The following THSD7B variants were observed in gnomAD, a reference collection of about 807,000 sequenced individuals.
The protein encoded by THSD7B is thrombospondin type 1 domain containing 7B.
A neutral mutation model predicts 213.6 loss-of-function variants in THSD7B; 138 were observed. The ratio of observed to expected loss-of-function variants is 0.65; its 90% CI spans 0.56 to 0.74. The LOEUF is 0.74. THSD7B is among the 30% of genes least tolerant of loss of function. The probability of loss-of-function intolerance (pLI) is 0.00; values close to 1 mark genes in which losing one functional copy is unlikely to be tolerated. For missense variants in THSD7B, 1,931 were observed against 1,991.5 expected, an observed-to-expected ratio of 0.97 and a Z score of 0.58; for synonymous variants, 742 against 687.0, an observed-to-expected ratio of 1.08 and a Z score of -1.25.
At chr2:137,546,386 T>A (rs866770434) in intron 15 of THSD7B, among the ~76,000 whole-genome samples, 745 of 33,314 alleles carry the variant, frequency 0.022, 122 homozygotes, top group South Asian at 0.058. Flanking sequence ...AATATATATA[T>A]TATATATATT....
At chr2:137,315,427 A>C (rs1054913049) in intron 12 of THSD7B, among the ~76,000 whole-genome samples, 1 of 152,110 alleles carries the variant, frequency 6.6e-6, no homozygotes, top group Non-Finnish European at 1.5e-5. Flanking sequence ...TAGTGAGATG[A>C]ACCCGATACC....
At chr2:137,625,474 T>A (rs1304985249) in intron 20 of THSD7B, among the ~76,000 whole-genome samples, 1 of 149,970 alleles carries the variant, frequency 6.7e-6, no homozygotes. Context: ...TGAAGTATAA[T>A]TAAAAAAAAA....
At chr2:137,673,398 C>T (rs189745602) in intron 27 of THSD7B, among the ~76,000 whole-genome samples, 1 of 152,240 alleles carries the variant, frequency 6.6e-6, no homozygotes, top group East Asian at 1.9e-4. Context: ...CTCAGCTCAA[C>T]AGGAGAGAAT....
chr2:137,478,752 G>A (rs1402361459), intron 15 of THSD7B, among the ~76,000 whole-genome samples: 3 of 152,134 alleles, frequency 2.0e-5, no homozygotes, highest in Non-Finnish European at 4.4e-5. Context: ...TATCTATGGT[G>A]TCAATTGTGT....
At chr2:136,925,319 G>A (rs1045725349) in intron 2 of THSD7B, among the ~76,000 whole-genome samples, 4 of 151,964 alleles carry the variant, frequency 2.6e-5, no homozygotes, top group African/African-American at 9.7e-5. Context: ...TTTTATCTGC[G>A]ACTTTTATTA....
intron 1 of THSD7B, among the ~76,000 whole-genome samples, chr2:136,816,812 T>C (rs1682481515): frequency 6.6e-6 from 1 of 152,240 alleles, no homozygotes; most frequent in Non-Finnish European, 1.5e-5. Flanking sequence ...ATCTTTTGAA[T>C]ATTATACACG....
chr2:137,546,427 T>TA (rs1435362244), intron 15 of THSD7B, among the ~76,000 whole-genome samples: 1 of 24,926 alleles, frequency 4.0e-5, no homozygotes, highest in Non-Finnish European at 5.8e-5. Flanking sequence ...ATATATATTA[T>TA]ATATATATTA....
At chr2:136,811,823 T>C (rs990730632) in intron 1 of THSD7B, among the ~76,000 whole-genome samples, 8 of 152,210 alleles carry the variant, frequency 5.3e-5, no homozygotes, top group Admixed American at 3.9e-4. Flanking sequence ...TTTGCACATG[T>C]TGACTATCAG....
intron 5 of THSD7B, among the ~76,000 whole-genome samples, chr2:137,117,435 T>G (rs892844142): frequency 6.6e-6 from 1 of 152,220 alleles, no homozygotes. Flanking sequence ...GGATACATTT[T>G]TAGCATTTCA....
intron 5 of THSD7B, among the ~76,000 whole-genome samples, chr2:137,119,683 A>G (rs542527214): frequency 6.6e-6 from 1 of 152,254 alleles, no homozygotes; most frequent in South Asian, 2.1e-4. Flanking sequence ...TTTTGAGAAT[A>G]TGGATATGTG....
rs199805886 is a variant in THSD7B at position 137,343,084 on chromosome 2, G to T, written c.2501-62529G>T. Among the ~76,000 whole-genome samples the T allele has an allele frequency of 2.9e-3, 416 of 143,292 alleles. 1 individual carries two copies. Among genetic ancestry groups the T allele is most frequent in the African/African-American group, 9.2e-3 (360 of 38,952 alleles). The allele number at this position is 143,292 out of a possible 152,430, so 94.0% of individuals were successfully genotyped here. A position where few individuals can be genotyped will look rare whatever the true frequency, so the allele number is the denominator to read the frequency against. ...GTATTCCCTTCTGTTTTTTTTTTTTGTTTTTTGTTTTTTGCATGAGTTTGA... is the reference window on the plus strand; with the variant it reads ...GTATTCCCTTCTGTTTTTTTTTTTTTTTTTTTGTTTTTTGCATGAGTTTGA... On this transcript the variant is annotated intron_variant, in intron 12 of 27. Coordinates refer to ENST00000409968, the MANE Select transcript of THSD7B (RefSeq NM_001316349.2).
intron 2 of THSD7B, among the ~76,000 whole-genome samples, chr2:136,930,661 A>T (rs1684612417): frequency 6.6e-6 from 1 of 152,162 alleles, no homozygotes; most frequent in African/African-American, 2.4e-5. Context: ...AGAGATGTTA[A>T]AGTATATCAG....
chr2:136,773,940 T>C (rs1681556148), intron 1 of THSD7B, among the ~76,000 whole-genome samples: 1 of 151,714 alleles, frequency 6.6e-6, no homozygotes, highest in African/African-American at 2.4e-5. Context: ...AGAGCACAAA[T>C]TAAAAACCCA....
intron 14 of THSD7B, among the ~76,000 whole-genome samples, chr2:137,435,434 C>G (rs748837719): frequency 3.3e-5 from 5 of 151,996 alleles, no homozygotes; most frequent in Non-Finnish European, 5.9e-5. Context: ...GATGTAATAC[C>G]AAATAGTGCA....
intron 12 of THSD7B, among the ~76,000 whole-genome samples, chr2:137,310,667 G>C (rs1321066503): frequency 7.9e-5 from 12 of 152,090 alleles, no homozygotes; most frequent in Non-Finnish European, 5.9e-5. Context: ...AATCCATCTT[G>C]AATTGATTTT....
chr2:137,036,416 C>T (rs1686777375), intron 2 of THSD7B, among the ~76,000 whole-genome samples: 1 of 152,068 alleles, frequency 6.6e-6, no homozygotes, highest in African/African-American at 2.4e-5. Context: ...CTCAGTTACA[C>T]TATCAAATTT....
At chr2:136,991,351 TAG>T (rs1685780145) in intron 2 of THSD7B, among the ~76,000 whole-genome samples, 1 of 152,078 alleles carries the variant, frequency 6.6e-6, no homozygotes, top group Non-Finnish European at 1.5e-5. Flanking sequence ...TCTATGATAA[TAG>T]AGTAAGAAAT....
intron 12 of THSD7B, among the ~76,000 whole-genome samples, chr2:137,337,829 T>C (rs1684674397): frequency 6.6e-6 from 1 of 152,148 alleles, no homozygotes; most frequent in Non-Finnish European, 1.5e-5. Flanking sequence ...TTTTACTATA[T>C]GAGTTTTAAT....
At chr2:137,623,005 G>C (rs1682550663) in intron 20 of THSD7B, among the ~76,000 whole-genome samples, 1 of 152,122 alleles carries the variant, frequency 6.6e-6, no homozygotes, top group African/African-American at 2.4e-5. Context: ...TGATACCAAA[G>C]CCTGGCAGAG....
Sources: allele counts gnomAD v4.1 joint callset (sites outside exome capture counted in the v4.1 genomes callset), GRCh38; gene constraint gnomAD v4.1.1; transcripts MANE v1.5; gene names NCBI Gene and HGNC (gene_info 2026-07-23, HGNC 2026-07-21).